Variants in SLC2A13 observed in about 807,000 individuals in gnomAD.
SLC2A13 encodes proton myo-inositol cotransporter.
SLC2A13 carries 32 observed loss-of-function variants against 64.4 expected under a neutral mutation model. The observed-to-expected ratio is 0.50, with a 90% CI of 0.37 to 0.67. The LOEUF (loss-of-function observed/expected upper bound fraction) is 0.67, where lower values mean the gene tolerates loss of function less well. SLC2A13 is among the 30% of genes least tolerant of loss of function. The pLI, the probability that SLC2A13 is intolerant of heterozygous loss-of-function variation, is 0.00. For missense variants in SLC2A13, 743 were observed against 829.2 expected (o/e 0.90, Z 1.28); for synonymous variants, 338 against 327.1 (o/e 1.03, Z -0.36).
At chr12:39,786,557 A>C (rs1383477389) in intron 7 of SLC2A13, among the ~76,000 whole-genome samples, 1 of 152,200 alleles carries the variant, frequency 6.6e-6, no homozygotes, top group Non-Finnish European at 1.5e-5. Flanking sequence ...TCTGGAGTGC[A>C]TTCTAAGCAG....
intron 1 of SLC2A13, among the ~76,000 whole-genome samples, chr12:40,058,803 A>G (rs1948373622): frequency 6.6e-6 from 1 of 152,208 alleles, no homozygotes; most frequent in African/African-American, 2.4e-5. Context: ...TGCCGTAACT[A>G]TGGCTCATAA....
chr12:39,762,560 G>A (rs1940195082), intron 9 of SLC2A13, among the ~76,000 whole-genome samples: 1 of 152,002 alleles, frequency 6.6e-6, no homozygotes, highest in Admixed American at 6.6e-5. Flanking sequence ...AGGCAGACCT[G>A]TGTAAGCAAT....
rs963840254 is a variant in SLC2A13 at position 39,968,653 on chromosome 12, G to A, written c.926-17288C>T. On this transcript the variant is annotated intron_variant, in intron 3 of 9. Transcript: ENST00000280871. The stretch of plus-strand genomic sequence containing the variant: ...CCCAAGTCTACCAACCTACAATTCC[G>A]TCACTTCTACATTCCTTGAAAGAAG... Among the ~76,000 whole-genome samples, 21 of 150,880 alleles carry A rather than the reference G, an allele frequency of 1.4e-4. 1 individual carries two copies. Among genetic ancestry groups the A allele is most frequent in the African/African-American group, 3.7e-4 (15 of 40,990 alleles).
intron 1 of SLC2A13, among the ~76,000 whole-genome samples, chr12:40,051,851 T>C (rs571074181): frequency 1.3e-5 from 2 of 152,126 alleles, no homozygotes; most frequent in South Asian, 2.1e-4. Context: ...AGCCTCTGAA[T>C]AGGGTAGAAG....
chr12:39,781,735 A>G (rs973708588), intron 7 of SLC2A13, among the ~76,000 whole-genome samples: 4 of 152,224 alleles, frequency 2.6e-5, no homozygotes, highest in Admixed American at 6.5e-5. Flanking sequence ...ACAAGCATAC[A>G]ACATAAAAGA....
intron 1 of SLC2A13, among the ~76,000 whole-genome samples, chr12:40,095,184 G>A (rs1341625777): frequency 6.6e-6 from 1 of 152,142 alleles, no homozygotes; most frequent in Admixed American, 6.6e-5. Context: ...CAACATTTTT[G>A]TCATTATTTC....
intron 7 of SLC2A13, among the ~76,000 whole-genome samples, chr12:39,780,473 A>G (rs1015385438): frequency 6.6e-6 from 1 of 152,248 alleles, no homozygotes; most frequent in Non-Finnish European, 1.5e-5. Context: ...AAAAATGAGT[A>G]GAATAAAATG....
At chr12:39,854,241 G>GATAATA (rs199775239) in intron 6 of SLC2A13, among the ~76,000 whole-genome samples, 1 of 151,812 alleles carries the variant, frequency 6.6e-6, no homozygotes, top group South Asian at 2.1e-4. Flanking sequence ...TGTAAAATTG[G>GATAATA]ATAATAATAA....
At chr12:39,809,905 T>G (rs762380301) in intron 7 of SLC2A13, among the ~76,000 whole-genome samples, 1 of 152,206 alleles carries the variant, frequency 6.6e-6, no homozygotes. Context: ...TCCAGTCTAT[T>G]ATTGTTGGAC....
intron 1 of SLC2A13, among the ~76,000 whole-genome samples, chr12:40,051,688 G>A (rs1948258122): frequency 6.6e-6 from 1 of 152,114 alleles, no homozygotes; most frequent in Non-Finnish European, 1.5e-5. Flanking sequence ...GGGAGGTACT[G>A]CAGACAATCA....
At chr12:39,930,144 A>T (rs1301988313) in intron 4 of SLC2A13, among the ~76,000 whole-genome samples, 1 of 151,842 alleles carries the variant, frequency 6.6e-6, no homozygotes, top group Non-Finnish European at 1.5e-5. Flanking sequence ...AAAAAAAAAA[A>T]ACCAAAAAAC....
chr12:40,016,094 C>A (rs1947616140), intron 3 of SLC2A13, among the ~76,000 whole-genome samples: 1 of 152,124 alleles, frequency 6.6e-6, no homozygotes, highest in Admixed American at 6.6e-5. Flanking sequence ...TTATATTATT[C>A]CTCTTTGCTG....
At chr12:39,890,809 C>A (rs1468730020) in intron 4 of SLC2A13, among the ~76,000 whole-genome samples, 1 of 151,836 alleles carries the variant, frequency 6.6e-6, no homozygotes, top group African/African-American at 2.4e-5. Flanking sequence ...TATGGCTGAC[C>A]CATACAATAA....
intron 7 of SLC2A13, among the ~76,000 whole-genome samples, chr12:39,786,209 C>T (rs1238036161): frequency 2.0e-5 from 3 of 152,098 alleles, no homozygotes; most frequent in Non-Finnish European, 4.4e-5. Context: ...GTGGGAGGTA[C>T]CCAGGGGGAG....
chr12:40,077,840 G>A (rs1279676450), intron 1 of SLC2A13, among the ~76,000 whole-genome samples: 1 of 152,030 alleles, frequency 6.6e-6, no homozygotes, highest in African/African-American at 2.4e-5. Flanking sequence ...GCAGTGTGTG[G>A]TAATTCTCAT....
intron 4 of SLC2A13, among the ~76,000 whole-genome samples, chr12:39,905,365 G>A (rs950677630): frequency 6.6e-5 from 10 of 152,074 alleles, no homozygotes; most frequent in Non-Finnish European, 1.5e-5. Context: ...TGCACAGTGC[G>A]CTGTGGGCCT....
intron 4 of SLC2A13, among the ~76,000 whole-genome samples, chr12:39,943,917 G>T (rs548387271): frequency 2.2e-4 from 34 of 152,274 alleles, no homozygotes; most frequent in African/African-American, 7.5e-4. Flanking sequence ...CTAGCTGCAG[G>T]AGTTTTTTTT....
intron 3 of SLC2A13, among the ~76,000 whole-genome samples, chr12:40,026,693 A>T (rs936801391): frequency 6.6e-6 from 1 of 152,228 alleles, no homozygotes. Flanking sequence ...CAGGCTCTAA[A>T]TAGTATTTAA....
chr12:40,087,655 T>G (rs932779162), intron 1 of SLC2A13, among the ~76,000 whole-genome samples: 1 of 152,080 alleles, frequency 6.6e-6, no homozygotes, highest in African/African-American at 2.4e-5. Flanking sequence ...AAAAACATGG[T>G]CCCTGTCCTT....
Sources: allele counts gnomAD v4.1 joint callset (sites outside exome capture counted in the v4.1 genomes callset), GRCh38; gene constraint gnomAD v4.1.1; transcripts MANE v1.5; gene names NCBI Gene and HGNC (gene_info 2026-07-23, HGNC 2026-07-21).